Variants in FZD3 observed in about 807,000 individuals in gnomAD.
The protein encoded by FZD3 is frizzled-3.
In FZD3, 30 loss-of-function variants were observed where a neutral mutation model predicts 60.7. That is an observed-to-expected ratio of 0.49 (90% CI 0.37 to 0.67). The LOEUF (loss-of-function observed/expected upper bound fraction) is 0.67, where lower values mean the gene tolerates loss of function less well. Ranked by LOEUF, FZD3 falls within the 30% of genes least tolerant of loss-of-function variation. The pLI is 0.00. For missense variants in FZD3, 605 were observed against 838.7 expected, an observed-to-expected ratio of 0.72 and a Z score of 3.44; for synonymous variants, 246 against 275.2, an observed-to-expected ratio of 0.89 and a Z score of 1.05.
At chr8:28,558,726 C>G (rs1182330518) in intron 7 of FZD3, among the ~76,000 whole-genome samples, 1 of 152,170 alleles carries the variant, frequency 6.6e-6, no homozygotes, top group African/African-American at 2.4e-5. Flanking sequence ...GCCACTGTGC[C>G]CGGCCTGGCC....
rs1168685286 is a variant in FZD3, at chr8:28,569,214, C to A, written c.*6203C>A. 2 of 145,944 alleles carry A rather than the reference C, an allele frequency of 1.4e-5. No individual in the cohort carries two copies. The highest frequency in any genetic ancestry group is 5.0e-5 in the African/African-American group (2 of 39,670). The allele number at this position is 145,944 out of a possible 1,614,324, so 9.0% of individuals were successfully genotyped here. The stretch of plus-strand genomic sequence containing the variant: ...TTTTTAACTTAGAGCTTAATAATTT[C>A]TATTTTCTATCCTGGAGTCTAAAAT... On this transcript the variant is annotated 3_prime_UTR_variant, in exon 8 of 8. Transcript: ENST00000240093.
chr8:28,515,459 T>A (rs1354324761), intron 3 of FZD3, among the ~76,000 whole-genome samples: 1 of 152,154 alleles, frequency 6.6e-6, no homozygotes, highest in Admixed American at 6.5e-5. Context: ...TGATTTGACT[T>A]ATGGTTTTAT....
chr8:28,517,381 C>T (rs576975561), intron 3 of FZD3, among the ~76,000 whole-genome samples: 133 of 152,202 alleles, frequency 8.7e-4, no homozygotes, highest in African/African-American at 3.2e-3. Flanking sequence ...GGTTTTCAAC[C>T]GTTTAAATAA....
In FZD3 at chr8:28,564,005, G is replaced by T. The variant is rs1805661981; in HGVS notation, c.*994G>T. 1 of 152,586 alleles carries T rather than the reference G, an allele frequency of 6.6e-6. No individual in the cohort carries two copies. The highest frequency in any genetic ancestry group is 2.1e-4 in the South Asian group (1 of 4,826). The allele number at this position is 152,586 out of a possible 1,614,324, so 9.5% of individuals were successfully genotyped here. ...CAGGCCCTCCTGTAGTGAGTTGATT[G>T]TCTGCACTTGCCTTGCCCAATAGCC... is the stretch of plus-strand genomic sequence containing the variant. On this transcript the variant is annotated 3_prime_UTR_variant, in exon 8 of 8. Coordinates refer to ENST00000240093, the MANE Select transcript of FZD3 (RefSeq NM_017412.4).
chr8:28,508,941 C>A (rs1804213262), intron 3 of FZD3, among the ~76,000 whole-genome samples: 1 of 152,196 alleles, frequency 6.6e-6, no homozygotes, highest in South Asian at 2.1e-4. Flanking sequence ...TTTTTACTAA[C>A]AATGATTACA....
chr8:28,571,511 A>C lies in FZD3; in HGVS notation c.*8500A>C, dbSNP rs964663120. On this transcript the variant is annotated 3_prime_UTR_variant, in exon 8 of 8. Transcript: ENST00000240093. ...ATATTAGTCTGGACATTCTCTTGCC[A>C]TCAGGTGCTATTTCTACCTTAGCTG... is the stretch of plus-strand genomic sequence containing the variant. 6.6e-6 allele frequency: 1 copy of C among 152,190 alleles called. No individual in the cohort carries two copies. Among genetic ancestry groups the C allele is most frequent in the Non-Finnish European group, 1.5e-5 (1 of 68,022 alleles). The allele number at this position is 152,190 out of a possible 1,614,324, so 9.4% of individuals were successfully genotyped here. A position where few individuals can be genotyped will look rare whatever the true frequency, so the allele number is the denominator to read the frequency against.
intron 5 of FZD3, among the ~76,000 whole-genome samples, chr8:28,534,954 T>A (rs759008776): frequency 1.2e-4 from 19 of 152,324 alleles, no homozygotes; most frequent in African/African-American, 2.6e-4. Context: ...TTTTAAGCAA[T>A]GATGGAGCAG....
intron 4 of FZD3, among the ~76,000 whole-genome samples, chr8:28,522,110 T>C (rs13281640): frequency 0.53 from 78,537 of 147,998 alleles, 21,267 homozygotes; most frequent in South Asian, 0.63. Flanking sequence ...TTCTCTTTTT[T>C]TTTTTTTTTT....
intron 5 of FZD3, among the ~76,000 whole-genome samples, chr8:28,542,647 G>A (rs1054376814): frequency 6.6e-6 from 1 of 151,812 alleles, no homozygotes. Context: ...CTCAAAAAAT[G>A]AAATAAATAA....
intron 3 of FZD3, among the ~76,000 whole-genome samples, chr8:28,515,219 C>G (rs1477064916): frequency 6.6e-6 from 1 of 152,128 alleles, no homozygotes; most frequent in African/African-American, 2.4e-5. Flanking sequence ...TCACACAGCA[C>G]CAAAGTATGT....
intron 6 of FZD3, among the ~76,000 whole-genome samples, chr8:28,552,472 G>A (rs1156659031): frequency 6.6e-6 from 1 of 152,028 alleles, no homozygotes; most frequent in African/African-American, 2.4e-5. Flanking sequence ...TTTCACAGTG[G>A]AACAAATGAT....
At chr8:28,523,262 G>T (rs1456780045) in intron 4 of FZD3, among the ~76,000 whole-genome samples, 1 of 152,140 alleles carries the variant, frequency 6.6e-6, no homozygotes, top group Non-Finnish European at 1.5e-5. Flanking sequence ...CAGGCAGGTT[G>T]TGTTTCTAGT....
chr8:28,506,060 A>G (rs1176404840), intron 3 of FZD3, among the ~76,000 whole-genome samples: 1 of 152,176 alleles, frequency 6.6e-6, no homozygotes, highest in Non-Finnish European at 1.5e-5. Flanking sequence ...GAGCCTTCCA[A>G]ACCATTTTGA....
intron 3 of FZD3, among the ~76,000 whole-genome samples, chr8:28,508,135 T>C (rs1804189590): frequency 6.6e-6 from 1 of 152,150 alleles, no homozygotes; most frequent in Non-Finnish European, 1.5e-5. Context: ...CCTGAAGCTA[T>C]CCTCCTGCCT....
chr8:28,518,769 C>T lies in FZD3; in HGVS notation c.190-1869C>T, dbSNP rs185821224. ...TGCTGGTTTCTCAGGTTCTCCAGCA[C>T]AGCCTAGGCAAAGCTTGATTCCTAG... On this transcript the variant is annotated intron_variant, in intron 3 of 7. Transcript: ENST00000240093. 9.8e-5 allele frequency among the ~76,000 whole-genome samples: 15 copies of T among 152,302 alleles called. 1 individual carries two copies. In the East Asian group the frequency reaches 1.9e-3, roughly 20 times the overall value.
intron 5 of FZD3, among the ~76,000 whole-genome samples, chr8:28,543,982 G>A (rs569001942): frequency 2.6e-5 from 4 of 152,016 alleles, no homozygotes; most frequent in Non-Finnish European, 5.9e-5. Flanking sequence ...CAGTTCTTCA[G>A]GACTTCTCAG....
chr8:28,557,130 A>C (rs1805523064), intron 7 of FZD3, among the ~76,000 whole-genome samples: 1 of 151,606 alleles, frequency 6.6e-6, no homozygotes, highest in African/African-American at 2.4e-5. Flanking sequence ...AATCACTTGA[A>C]GCCAGGAGGT....
rs1370788548 is a variant in FZD3, at chr8:28,563,606, A to G, written c.*595A>G. 1 of 152,652 alleles carries G rather than the reference A, an allele frequency of 6.6e-6. No homozygotes were observed. Among genetic ancestry groups the G allele is most frequent in the East Asian group, 1.9e-4 (1 of 5,204 alleles). 9.5% of individuals were successfully genotyped at this position (152,652 alleles called of 1,614,324 possible). ...CTATGAAAGGTTCTCTTAAAATTCT[A>G]TCGAAATAATCTTCATGCAGAGATA... is the stretch of plus-strand genomic sequence containing the variant. On this transcript the variant is annotated 3_prime_UTR_variant, in exon 8 of 8. Transcript: ENST00000240093.
At chr8:28,525,826 T>C (rs1804700714) in intron 4 of FZD3, among the ~76,000 whole-genome samples, 4 of 152,168 alleles carry the variant, frequency 2.6e-5, no homozygotes, top group Admixed American at 2.6e-4. Context: ...TGGCTCAGAC[T>C]GGGCACCAGC....
Sources: allele counts gnomAD v4.1 joint callset (sites outside exome capture counted in the v4.1 genomes callset), GRCh38; gene constraint gnomAD v4.1.1; transcripts MANE v1.5; gene names NCBI Gene and HGNC (gene_info 2026-07-23, HGNC 2026-07-21).